LCOR: variants seen among roughly 807,000 people sequenced by gnomAD.
LCOR encodes the protein ligand dependent nuclear receptor corepressor, also known as ligand-dependent corepressor.
LCOR carries 14 observed loss-of-function variants against 64.4 expected under a neutral mutation model. That is an observed-to-expected ratio of 0.22 (90% CI 0.14 to 0.34). The LOEUF (loss-of-function observed/expected upper bound fraction) is 0.34, where lower values mean the gene tolerates loss of function less well. Among genes scored for constraint, LCOR ranks in the 10% least tolerant of loss-of-function variants. The pLI is 1.00. For missense variants in LCOR, 1,686 were observed against 1,765.3 expected (o/e 0.96, Z 0.80); for synonymous variants, 643 against 642.5 (o/e 1.00, Z -0.01).
chr10:96,926,055 T>C (rs1487595315), intron 4 of LCOR, among the ~76,000 whole-genome samples: 1 of 152,224 alleles, frequency 6.6e-6, no homozygotes, highest in Non-Finnish European at 1.5e-5. Context: ...TCTTAAATTC[T>C]GTTACAAGAT....
At chr10:96,846,559 G>C (rs751849866) in intron 2 of LCOR, among the ~76,000 whole-genome samples, 6 of 152,122 alleles carry the variant, frequency 3.9e-5, no homozygotes, top group Admixed American at 1.3e-4. Flanking sequence ...GTCTGTACTG[G>C]CTTCTTAAAA....
intron 7 of LCOR, chr10:96,957,308 A>C (rs1048967393): frequency 2.4e-5 from 24 of 985,064 alleles, no homozygotes; most frequent in Non-Finnish European, 2.8e-5. Flanking sequence ...AGGACCTTTG[A>C]GATCATGTTT....
chr10:96,989,616 A>C lies in LCOR; in HGVS notation c.*4482A>C, dbSNP rs1284642560. 1 of 148,538 alleles carries C rather than the reference A, an allele frequency of 6.7e-6. No homozygotes were observed. The highest frequency in any genetic ancestry group is 1.5e-5 in the Non-Finnish European group (1 of 67,488). The allele number at this position is 148,538 out of a possible 1,614,324, so 9.2% of individuals were successfully genotyped here. A position where few individuals can be genotyped will look rare whatever the true frequency, so the allele number is the denominator to read the frequency against. ...GATTTAAAAAATTGGAGTTATAACCAGAGTATGACTGAAAAGCTATTATAG... is the reference window on the plus strand; with the variant it reads ...GATTTAAAAAATTGGAGTTATAACCCGAGTATGACTGAAAAGCTATTATAG... On this transcript the variant is annotated 3_prime_UTR_variant, in exon 8 of 8. Transcript: ENST00000421806.
chr10:96,847,427 T>C (rs201426900), intron 2 of LCOR, among the ~76,000 whole-genome samples: 2 of 148,210 alleles, frequency 1.3e-5, no homozygotes, highest in Non-Finnish European at 3.0e-5. Context: ...TATTTATTTA[T>C]TTATTTACTT....
At chr10:96,869,158 C>T (rs368739323) in intron 2 of LCOR, among the ~76,000 whole-genome samples, 14 of 152,256 alleles carry the variant, frequency 9.2e-5, no homozygotes, top group African/African-American at 3.1e-4. Flanking sequence ...CCCCCCGCTT[C>T]GGCCTCCCAA....
intron 4 of LCOR, among the ~76,000 whole-genome samples, chr10:96,914,555 A>G (rs1241330938): frequency 6.6e-6 from 1 of 152,246 alleles, no homozygotes; most frequent in Non-Finnish European, 1.5e-5. Flanking sequence ...AACTGTATCC[A>G]TCTTTATTAA....
chr10:96,839,784 C>T (rs1189041663), intron 2 of LCOR, among the ~76,000 whole-genome samples: 1 of 151,876 alleles, frequency 6.6e-6, no homozygotes, highest in African/African-American at 2.4e-5. Context: ...CTTCCAGGTT[C>T]AAGTAATTCT....
intron 2 of LCOR, among the ~76,000 whole-genome samples, chr10:96,901,762 CTCCATCTG>C (rs1353017024): frequency 1.3e-5 from 2 of 152,068 alleles, no homozygotes; most frequent in East Asian, 3.9e-4. Flanking sequence ...CCATCCGTTC[CTCCATCTG>C]TCCATCGGTC....
chr10:96,891,261 A>G (rs1468505251), intron 2 of LCOR, among the ~76,000 whole-genome samples: 2 of 151,924 alleles, frequency 1.3e-5, no homozygotes, highest in Non-Finnish European at 2.9e-5. Context: ...AGGTTTATCC[A>G]TTCATCTAGA....
At chr10:96,958,111 G>T in intron 7 of LCOR, 2 of 1,137,608 alleles carry the variant, frequency 1.8e-6, no homozygotes. Flanking sequence ...ATTAATTGCA[G>T]CCATAGTACC....
intron 2 of LCOR, among the ~76,000 whole-genome samples, chr10:96,876,062 C>T (rs1265819744): frequency 6.8e-6 from 1 of 147,868 alleles, no homozygotes; most frequent in Non-Finnish European, 1.5e-5. Flanking sequence ...ACAATTTTTT[C>T]CCCTATCATA....
chr10:96,880,564 ATTG>A (rs1234062065), intron 2 of LCOR, among the ~76,000 whole-genome samples: 1 of 152,042 alleles, frequency 6.6e-6, no homozygotes. Context: ...TGCCTGGCTA[ATTG>A]TTGTATTTGT....
intron 4 of LCOR, among the ~76,000 whole-genome samples, chr10:96,934,249 C>T (rs184852691): frequency 6.6e-6 from 1 of 152,254 alleles, no homozygotes; most frequent in East Asian, 1.9e-4. Flanking sequence ...AGCCAAAAGT[C>T]CATTAAGTAA....
In LCOR at chr10:96,877,809, C is replaced by T. The variant is rs1846195217; in HGVS notation, c.-329-29456C>T. ...TGTATTTTTAGTAGAGACGGGGTTT[C>T]ACCGCATTAGCCAGGATGGTCTCGA... On this transcript the variant is annotated intron_variant, in intron 2 of 7. Coordinates refer to ENST00000421806, the MANE Select transcript of LCOR (RefSeq NM_001346516.2). 1.3e-5 allele frequency among the ~76,000 whole-genome samples: 2 copies of T among 151,868 alleles called. 1 individual carries two copies. The highest frequency in any genetic ancestry group is 4.1e-4 in the South Asian group (2 of 4,824).
intron 4 of LCOR, among the ~76,000 whole-genome samples, chr10:96,932,181 C>T (rs894305453): frequency 1.9e-4 from 29 of 152,020 alleles, no homozygotes; most frequent in African/African-American, 6.0e-4. Flanking sequence ...ATGCCACTGA[C>T]GATAGATTTG....
At chr10:96,885,034 G>T (rs1846319887) in intron 2 of LCOR, among the ~76,000 whole-genome samples, 1 of 152,080 alleles carries the variant, frequency 6.6e-6, no homozygotes, top group Admixed American at 6.6e-5. Flanking sequence ...CTTTTAAGTT[G>T]TCTTCACATA....
At chr10:96,941,002 GCGGC>G (rs1371117610) in intron 4 of LCOR, among the ~76,000 whole-genome samples, 4 of 130,678 alleles carry the variant, frequency 3.1e-5, no homozygotes, top group Non-Finnish European at 4.8e-5. Flanking sequence ...CCCGGATGGG[GCGGC>G]CGGCCGGGCG....
intron 7 of LCOR, chr10:96,961,737 G>A (rs1294662060): frequency 6.6e-6 from 1 of 152,066 alleles, no homozygotes; most frequent in Non-Finnish European, 1.5e-5. Context: ...ACAGGACACT[G>A]ACACAGTAGA....
intron 4 of LCOR, among the ~76,000 whole-genome samples, chr10:96,942,458 G>GGGA (rs1554839357): frequency 2.0e-5 from 3 of 150,550 alleles, no homozygotes; most frequent in African/African-American, 4.9e-5. Flanking sequence ...GAGAGGGAGA[G>GGGA]GAGGGAGAGG....
Sources: allele counts gnomAD v4.1 joint callset (sites outside exome capture counted in the v4.1 genomes callset), GRCh38; gene constraint gnomAD v4.1.1; transcripts MANE v1.5; gene names NCBI Gene and HGNC (gene_info 2026-07-23, HGNC 2026-07-21).